FAF1: variants seen among roughly 807,000 people sequenced by gnomAD.
FAF1 encodes FAS-associated factor 1.
A neutral mutation model predicts 92.5 loss-of-function variants in FAF1; 25 were observed. The ratio of observed to expected loss-of-function variants is 0.27; its 90% CI spans 0.20 to 0.38. FAF1 has a LOEUF of 0.38. Among genes scored for constraint, FAF1 ranks in the 10% least tolerant of loss-of-function variants. FAF1 has a pLI of 1.00. For missense variants in FAF1, 636 were observed against 793.3 expected, an observed-to-expected ratio of 0.80 and a Z score of 2.38; for synonymous variants, 234 against 273.2, an observed-to-expected ratio of 0.86 and a Z score of 1.42.
chr1:50,624,305 G>A (rs995473743), intron 8 of FAF1, among the ~76,000 whole-genome samples: 9 of 152,040 alleles, frequency 5.9e-5, no homozygotes, highest in African/African-American at 9.7e-5. Context: ...CAGCCACCAC[G>A]CCCAGCTAAT....
At chr1:50,788,346 T>C (rs1264767137) in intron 3 of FAF1, 141 bp from the exon 4 acceptor site, 15 of 664,434 alleles carry the variant, frequency 2.3e-5, no homozygotes, top group Non-Finnish European at 3.4e-5. Flanking sequence ...AGACTTGAGT[T>C]CTACTTCCTC....
intron 7 of FAF1, among the ~76,000 whole-genome samples, chr1:50,667,946 T>C (rs1000742586): frequency 2.6e-5 from 4 of 152,262 alleles, no homozygotes; most frequent in African/African-American, 9.6e-5. Flanking sequence ...GTGATGTTTA[T>C]GTTTGCTTTG....
At chr1:50,682,692 G>A (rs1198783350) in intron 7 of FAF1, among the ~76,000 whole-genome samples, 1 of 152,124 alleles carries the variant, frequency 6.6e-6, no homozygotes, top group African/African-American at 2.4e-5. Flanking sequence ...CAGCCATTTT[G>A]AAAGTAACTT....
At chr1:50,585,124 G>A (rs895534260) in intron 9 of FAF1, among the ~76,000 whole-genome samples, 2 of 152,118 alleles carry the variant, frequency 1.3e-5, no homozygotes, top group African/African-American at 2.4e-5. Flanking sequence ...GAGAAAATGG[G>A]TACAACTGGA....
At chr1:50,645,919 T>C (rs1297752000) in intron 8 of FAF1, among the ~76,000 whole-genome samples, 3 of 152,304 alleles carry the variant, frequency 2.0e-5, no homozygotes, top group African/African-American at 2.4e-5. Flanking sequence ...TGAGTGAGAT[T>C]TGGGCTCACA....
At chr1:50,735,916 G>A (rs1052849041) in intron 6 of FAF1, among the ~76,000 whole-genome samples, 1 of 151,976 alleles carries the variant, frequency 6.6e-6, no homozygotes, top group Admixed American at 6.6e-5. Context: ...ATACAGTCTC[G>A]CTATGTTCTC....
intron 7 of FAF1, among the ~76,000 whole-genome samples, chr1:50,665,750 A>T (rs1655588094): frequency 6.6e-6 from 1 of 152,206 alleles, no homozygotes; most frequent in South Asian, 2.1e-4. Flanking sequence ...CCTAATATGG[A>T]AGAATATTTG....
chr1:50,929,256 T>C (rs1645030846), intron 1 of FAF1, among the ~76,000 whole-genome samples: 1 of 152,096 alleles, frequency 6.6e-6, no homozygotes, highest in South Asian at 2.1e-4. Flanking sequence ...AGAAAGTTCT[T>C]TCATCATTCA....
At position 50,645,706 on chromosome 1, in the gene FAF1, C is replaced by T. The variant is rs371339142; in HGVS notation, c.744+9736G>A. 1.8e-4 allele frequency among the ~76,000 whole-genome samples: 28 copies of T among 152,116 alleles called. No individual in the cohort carries two copies. The South Asian group carries it at 4.6e-3, about 25-fold the overall frequency. ...GGCGTGGTGGCACCTGCCTGTAGTC[C>T]CAGCTACTCTACTCGGGAGGCTGAG... On this transcript the variant is annotated intron_variant, in intron 8 of 18. Transcript: ENST00000396153.
intron 17 of FAF1, among the ~76,000 whole-genome samples, chr1:50,476,534 T>G (rs1646641386): frequency 6.6e-6 from 1 of 152,174 alleles, no homozygotes; most frequent in African/African-American, 2.4e-5. Flanking sequence ...ACATGTGACA[T>G]TCCATTAGAA....
At chr1:50,456,087 A>AT (rs1387971020) in intron 18 of FAF1, among the ~76,000 whole-genome samples, 67 of 147,292 alleles carry the variant, frequency 4.5e-4, no homozygotes, top group East Asian at 4.0e-3. Flanking sequence ...ACAAAAAAAA[A>AT]TTTTTTTTTT....
intron 18 of FAF1, chr1:50,462,163 T>C (rs1394134404): frequency 1.3e-5 from 2 of 151,830 alleles, no homozygotes; most frequent in Non-Finnish European, 2.9e-5. Context: ...TTCTCCTTGC[T>C]GATTCTGCTT....
chr1:50,769,805 C>G (rs948204812), intron 4 of FAF1, among the ~76,000 whole-genome samples: 5 of 152,164 alleles, frequency 3.3e-5, no homozygotes, highest in African/African-American at 7.2e-5. Context: ...GATCCCAGCA[C>G]TTTGGGAAGC....
At chr1:50,845,366 C>T (rs554862292) in intron 2 of FAF1, among the ~76,000 whole-genome samples, 3 of 152,270 alleles carry the variant, frequency 2.0e-5, no homozygotes, top group African/African-American at 7.2e-5. Flanking sequence ...CCATGGCCTT[C>T]TCAACATGCA....
At chr1:50,617,498 C>T (rs1022387128) in intron 8 of FAF1, among the ~76,000 whole-genome samples, 1 of 152,122 alleles carries the variant, frequency 6.6e-6, no homozygotes, top group Admixed American at 6.5e-5. Context: ...GGGATAAAGC[C>T]TACTTAACTG....
intron 1 of FAF1, among the ~76,000 whole-genome samples, chr1:50,907,830 T>C (rs1348163916): frequency 6.6e-6 from 1 of 152,212 alleles, no homozygotes; most frequent in East Asian, 1.9e-4. Flanking sequence ...ACCTCCTGGA[T>C]TCATTGATTT....
At chr1:50,494,679 G>A (rs1332737144) in intron 15 of FAF1, among the ~76,000 whole-genome samples, 2 of 152,114 alleles carry the variant, frequency 1.3e-5, no homozygotes. Flanking sequence ...TTGTGTATTT[G>A]TCTCACTGGT....
intron 1 of FAF1, among the ~76,000 whole-genome samples, chr1:50,910,922 T>C (rs1390674119): frequency 6.6e-6 from 1 of 152,066 alleles, no homozygotes; most frequent in Admixed American, 6.6e-5. Context: ...CTGGTACCTC[T>C]GTTGGAAATG....
chr1:50,711,711 C>T (rs571079471), intron 6 of FAF1, among the ~76,000 whole-genome samples: 26 of 151,694 alleles, frequency 1.7e-4, no homozygotes, highest in Non-Finnish European at 2.8e-4. Flanking sequence ...GTGATCTGCC[C>T]GCCTCAGCCT....
Sources: gnomAD v4.1 joint callset for allele counts (sites outside exome capture counted in the v4.1 genomes callset) on GRCh38, gnomAD v4.1.1 for gene constraint, MANE v1.5 for transcripts, NCBI Gene and HGNC (gene_info 2026-07-23, HGNC 2026-07-21) for gene names.